The following PLXNA4 variants were observed in gnomAD, a reference collection of about 807,000 sequenced individuals.
PLXNA4 encodes the protein plexin-A4.
In PLXNA4, 44 loss-of-function variants were observed where a neutral mutation model predicts 191.8. The ratio of observed to expected loss-of-function variants is 0.23; its 90% CI spans 0.18 to 0.29. The LOEUF (loss-of-function observed/expected upper bound fraction) is 0.29, where lower values mean the gene tolerates loss of function less well. Among genes scored for constraint, PLXNA4 ranks in the 10% least tolerant of loss-of-function variants. The probability of loss-of-function intolerance (pLI) is 1.00; values close to 1 mark genes in which losing one functional copy is unlikely to be tolerated. For missense variants in PLXNA4, 1,800 were observed against 2,488.8 expected, an observed-to-expected ratio of 0.72 and a Z score of 5.89; for synonymous variants, 1,082 against 1,009.5, an observed-to-expected ratio of 1.07 and a Z score of -1.36.
At chr7:132,205,514 T>A (rs1172300749) in intron 10 of PLXNA4, among the ~76,000 whole-genome samples, 1 of 152,254 alleles carries the variant, frequency 6.6e-6, no homozygotes, top group Non-Finnish European at 1.5e-5. Flanking sequence ...TTTGTGTGTG[T>A]GTGAGAGAGA....
At chr7:132,477,849 A>G (rs1220136960) in intron 3 of PLXNA4, among the ~76,000 whole-genome samples, 1 of 152,250 alleles carries the variant, frequency 6.6e-6, no homozygotes, top group African/African-American at 2.4e-5. Context: ...TCTATTGCCT[A>G]TAATTTTGGG....
intron 3 of PLXNA4, among the ~76,000 whole-genome samples, chr7:132,363,456 A>G (rs1804027707): frequency 6.6e-6 from 1 of 152,222 alleles, no homozygotes; most frequent in African/African-American, 2.4e-5. Context: ...GTCCTTCTGT[A>G]TCTGACTTAT....
intron 3 of PLXNA4, among the ~76,000 whole-genome samples, chr7:132,318,401 C>T (rs902135768): frequency 2.0e-5 from 3 of 152,218 alleles, no homozygotes; most frequent in Non-Finnish European, 2.9e-5. Context: ...TGCTCACTTG[C>T]TTTGGACACT....
intron 1 of PLXNA4, among the ~76,000 whole-genome samples, chr7:132,565,698 C>T (rs912984866): frequency 6.6e-6 from 1 of 152,160 alleles, no homozygotes; most frequent in Non-Finnish European, 1.5e-5. Context: ...CCTGAGCCCT[C>T]TCCCACCTGT....
chr7:132,224,756 A>G (rs1798257876), intron 8 of PLXNA4, among the ~76,000 whole-genome samples: 1 of 152,138 alleles, frequency 6.6e-6, no homozygotes, highest in Non-Finnish European at 1.5e-5. Flanking sequence ...CCAGGGCTAG[A>G]GTAACTCATT....
At chr7:132,245,797 C>A (rs903905919) in intron 4 of PLXNA4, among the ~76,000 whole-genome samples, 3 of 152,140 alleles carry the variant, frequency 2.0e-5, no homozygotes, top group African/African-American at 4.8e-5. Flanking sequence ...ATGGATGAAC[C>A]TCGAGGACAT....
intron 2 of PLXNA4, among the ~76,000 whole-genome samples, chr7:132,621,256 TTTGG>T (rs1181512060): frequency 2.6e-3 from 297 of 113,760 alleles, no homozygotes; most frequent in Middle Eastern, 9.6e-3. Context: ...GTTTTTTTTT[TTTGG>T]TTTTTTTGTT....
At chr7:132,279,243 T>C (rs1800389089) in intron 4 of PLXNA4, among the ~76,000 whole-genome samples, 2 of 152,172 alleles carry the variant, frequency 1.3e-5, no homozygotes. Flanking sequence ...TTCCCTCTGG[T>C]CATTAGAGGA....
At chr7:132,492,781 G>A (rs1345268622) in intron 2 of PLXNA4, among the ~76,000 whole-genome samples, 1 of 152,168 alleles carries the variant, frequency 6.6e-6, no homozygotes, top group Non-Finnish European at 1.5e-5. Flanking sequence ...ACTTTCCTTG[G>A]CTATAGAGCG....
chr7:132,627,385 T>C (rs1248505481), intron 2 of PLXNA4, among the ~76,000 whole-genome samples: 1 of 152,220 alleles, frequency 6.6e-6, no homozygotes, highest in Non-Finnish European at 1.5e-5. Context: ...CTTTTGTTGT[T>C]TTGATTCTAT....
chr7:132,401,346 G>C lies in PLXNA4; in HGVS notation c.1371+87946C>G, dbSNP rs532779337. Among the ~76,000 whole-genome samples, 61 of 152,326 alleles carry C rather than the reference G, an allele frequency of 4.0e-4. No individual in the cohort carries two copies. The South Asian group carries it at 0.012, about 31-fold the overall frequency. Reference sequence around the variant, plus strand: ...TTAAAAAAATGCGCTTCCAGTGTCTGATTTAATGGGACTAGGTTGCAGCCT... The same window carrying C: ...TTAAAAAAATGCGCTTCCAGTGTCTCATTTAATGGGACTAGGTTGCAGCCT... On this transcript the variant is annotated intron_variant, in intron 3 of 31. Transcript: ENST00000321063.
intron 4 of PLXNA4, among the ~76,000 whole-genome samples, chr7:132,247,696 C>A (rs1289323297): frequency 2.0e-5 from 3 of 152,202 alleles, no homozygotes; most frequent in Non-Finnish European, 2.9e-5. Flanking sequence ...AGCTTTATTT[C>A]TGCTGGCCAG....
intron 2 of PLXNA4, among the ~76,000 whole-genome samples, chr7:132,609,179 A>T (rs77697000): frequency 0.046 from 6,966 of 152,148 alleles, 582 homozygotes; most frequent in East Asian, 0.28. Context: ...ACATTTCTGT[A>T]TCTCCCTTCC....
At chr7:132,267,080 T>C (rs1426157772) in intron 4 of PLXNA4, among the ~76,000 whole-genome samples, 1 of 152,104 alleles carries the variant, frequency 6.6e-6, no homozygotes, top group Non-Finnish European at 1.5e-5. Context: ...AGGCTTGGGG[T>C]CTGAGGAATA....
At chr7:132,377,333 C>T (rs1804696896) in intron 3 of PLXNA4, among the ~76,000 whole-genome samples, 1 of 151,864 alleles carries the variant, frequency 6.6e-6, no homozygotes, top group Non-Finnish European at 1.5e-5. Context: ...CTTTTTATAG[C>T]CTCCCCTAGA....
intron 4 of PLXNA4, among the ~76,000 whole-genome samples, chr7:132,293,534 AG>A (rs1456696968): frequency 6.6e-6 from 1 of 152,234 alleles, no homozygotes; most frequent in East Asian, 1.9e-4. Context: ...GATGAGATTT[AG>A]GTGGGGACAC....
At position 132,228,478 on chromosome 7, in the gene PLXNA4, G is replaced by A. The variant is rs1224979721; in HGVS notation, c.1605-9C>T. ...GCTCCTTCCGGGTGCAACTGGGAAG[G>A]ACATACCCTCGAGTTACTCAGGAGA... On this transcript the variant is annotated splice_polypyrimidine_tract_variant and intron_variant, in intron 5 of 31. Transcript: ENST00000321063. The A allele has an allele frequency of 1.2e-6, 2 of 1,614,060 alleles. No homozygotes were observed. The highest frequency in any genetic ancestry group is 1.7e-6 in the Non-Finnish European group (2 of 1,179,958).
At chr7:132,203,302 T>G in intron 11 of PLXNA4, 21 bp downstream of exon 11, 6 of 1,354,234 alleles carry the variant, frequency 4.4e-6, no homozygotes, top group Non-Finnish European at 6.1e-6. Flanking sequence ...CCTCCCCTGC[T>G]AGGCCCCAGC....
chr7:132,309,250 G>A (rs1320228086), intron 3 of PLXNA4, among the ~76,000 whole-genome samples: 1 of 152,204 alleles, frequency 6.6e-6, no homozygotes, highest in African/African-American at 2.4e-5. Context: ...CAAGCTGCAG[G>A]AGGGGAAGTG....
Sources: allele counts gnomAD v4.1 joint callset (sites outside exome capture counted in the v4.1 genomes callset), GRCh38; gene constraint gnomAD v4.1.1; transcripts MANE v1.5; gene names NCBI Gene and HGNC (gene_info 2026-07-23, HGNC 2026-07-21).